DNAJA1: variants seen among roughly 807,000 people sequenced by gnomAD.
DNAJA1 encodes DnaJ heat shock protein family (Hsp40) member A1.
Under a neutral mutation model 47.6 loss-of-function variants are expected in DNAJA1, and 26 were observed. That is an observed-to-expected ratio of 0.55 (90% CI 0.40 to 0.76). The LOEUF is 0.76. Among genes scored for constraint, DNAJA1 ranks in the 30% least tolerant of loss-of-function variants. The pLI is 0.00. For missense variants in DNAJA1, 315 were observed against 485.0 expected, an observed-to-expected ratio of 0.65 and a Z score of 3.29; for synonymous variants, 165 against 158.4, an observed-to-expected ratio of 1.04 and a Z score of -0.31.
rs149250531 is a variant in DNAJA1 at position 33,032,741 on chromosome 9, T to C, written c.644-1475T>C. 1.4e-4 allele frequency among the ~76,000 whole-genome samples: 21 copies of C among 152,346 alleles called. 2 individuals are homozygous for C. Among genetic ancestry groups the C allele is most frequent in the African/African-American group, 4.8e-4 (20 of 41,582 alleles). On this transcript the variant is annotated intron_variant, in intron 5 of 8. Transcript: ENST00000330899. ...AAGACAGATTGTTTAATTTTGTCAGTGTATGATACTGATAGCGCTTTAAGT... is the reference window on the plus strand; with the variant it reads ...AAGACAGATTGTTTAATTTTGTCAGCGTATGATACTGATAGCGCTTTAAGT...
chr9:33,035,686 A>G (rs557417513), intron 6 of DNAJA1, among the ~76,000 whole-genome samples: 2 of 151,354 alleles, frequency 1.3e-5, no homozygotes, highest in East Asian at 3.9e-4. Context: ...CCAGGCTGGT[A>G]TCGAACTCCT....
At chr9:33,026,017 C>G (rs1277240350) in intron 1 of DNAJA1, among the ~76,000 whole-genome samples, 3 of 152,170 alleles carry the variant, frequency 2.0e-5, no homozygotes, top group Non-Finnish European at 4.4e-5. Flanking sequence ...AGCCAGTAAC[C>G]TGTTCTATAA....
In DNAJA1 at chr9:33,034,316, T is replaced by C; in HGVS notation, c.744T>C (p.His248=). Residue 248 remains histidine (H), a synonymous_variant, in exon 6 of 9, where the codon CAT becomes CAC. Transcript: ENST00000330899. ...TCATTGTGTTAGATCAGAAGGACCA[T>C]GCTGTTTTTACTCGGTAAAGACTTT... ...DIIIVLDQKD[H]AVFTRRGEDL... 4.4e-6 allele frequency: 7 copies of C among 1,607,334 alleles called. No homozygotes were observed. The highest frequency in any genetic ancestry group is 5.9e-6 in the Non-Finnish European group (7 of 1,177,996).
In DNAJA1 at chr9:33,039,174, G is replaced by A. The variant is rs1839081143; in HGVS notation, c.*271G>A. The A allele has an allele frequency of 2.3e-6, 1 of 429,976 alleles. No homozygotes were observed. Among genetic ancestry groups the A allele is most frequent in the South Asian group, 2.4e-5 (1 of 41,188 alleles). 26.6% of individuals were successfully genotyped at this position (429,976 alleles called of 1,614,324 possible). On this transcript the variant is annotated 3_prime_UTR_variant, in exon 9 of 9. Transcript: ENST00000330899. The stretch of plus-strand genomic sequence containing the variant: ...CATTTCTAGGCCAAACCTTGTAATT[G>A]ACTTCAGCTATGTACGTGGACAAGC...
At chr9:33,036,807 C>T (rs182202338) in intron 7 of DNAJA1, 118 bp downstream of exon 7, 1 of 827,042 alleles carries the variant, frequency 1.2e-6, no homozygotes, top group African/African-American at 1.7e-5. Flanking sequence ...TTCTCGGTTA[C>T]ATATCCTTCT....
chr9:33,038,605 T>C, intron 8 of DNAJA1, 80 bp from the exon 9 acceptor site: 1 of 1,348,106 alleles, frequency 7.4e-7, no homozygotes, highest in Admixed American at 2.2e-5. Context: ...TACATGTGTT[T>C]TTCTGGGGAA....
chr9:33,037,039 T>C lies in DNAJA1; in HGVS notation c.899T>C (p.Ile300Thr), dbSNP rs746382054. The change falls in exon 8 of 9, where the codon ATC (isoleucine) becomes ACC (threonine). Residue 300 changes from isoleucine to threonine, a missense_variant. By Grantham distance (89) the Ile-to-Thr change is moderately conservative. This residue lies in a region of DNAJA1 where 162 missense variants were observed against 185.4 expected (regional missense o/e 0.87). Transcript: ENST00000330899. ...HPGQIVKHGD[I>T]KCVLNEGMPI... ...GGTCAGATTGTCAAGCATGGAGATA[T>C]CAAGTGTGTACTAAATGAAGGCATG... is the stretch of plus-strand genomic sequence containing the variant. 3.5e-5 allele frequency: 57 copies of C among 1,612,266 alleles called. No individual in the cohort carries two copies. Among genetic ancestry groups the C allele is most frequent in the African/African-American group, 6.7e-5 (5 of 74,824 alleles).
At position 33,030,676 on chromosome 9, in the gene DNAJA1, T is replaced by G. The variant is rs757216481; in HGVS notation, c.643+9T>G. 3.3e-5 allele frequency: 53 copies of G among 1,601,188 alleles called. No homozygotes were observed. In the Admixed American group the frequency reaches 9.1e-4, roughly 27 times the overall value. On this transcript the variant is annotated intron_variant, in intron 5 of 8. Coordinates refer to ENST00000330899, the MANE Select transcript of DNAJA1 (RefSeq NM_001539.4). ...AGTTCATATTGACAAAGGTGAGTTC[T>G]GAGTTACTTATTCTGAAGTCTTGAA... is the stretch of plus-strand genomic sequence containing the variant.
chr9:33,029,793 T>G (rs952335910), intron 3 of DNAJA1, 92 bp from the exon 4 acceptor site: 7 of 1,012,266 alleles, frequency 6.9e-6, no homozygotes. Flanking sequence ...GCTCATCTTT[T>G]ATTATTCTTT....
chr9:33,038,803 A>T lies in DNAJA1; in HGVS notation c.1094A>T (p.Asp365Val). 1 of 1,614,146 alleles carries T rather than the reference A, an allele frequency of 6.2e-7. No homozygotes were observed. Among genetic ancestry groups the T allele is most frequent in the Non-Finnish European group, 8.5e-7 (1 of 1,180,026 alleles). ...GAGATGGACCAAGTAGAACTGGTGG[A>T]CTTTGATCCAAATCAGGAAAGACGG... ...TDEMDQVELV[D>V]FDPNQERRRH... Residue 365 changes from aspartate (D) to valine (V), a missense_variant, in exon 9 of 9, where the codon GAC becomes GTC. This residue lies in a region of DNAJA1 where 162 missense variants were observed against 185.4 expected (regional missense o/e 0.87). Coordinates refer to ENST00000330899, the MANE Select transcript of DNAJA1 (RefSeq NM_001539.4).
At position 33,030,431 on chromosome 9, in the gene DNAJA1, T is replaced by G; in HGVS notation, c.416-9T>G. The G allele has an allele frequency of 6.2e-7, 1 of 1,606,832 alleles. No homozygotes were observed. Among genetic ancestry groups the G allele is most frequent in the Non-Finnish European group, 8.5e-7 (1 of 1,176,806 alleles). On this transcript the variant is annotated splice_polypyrimidine_tract_variant and intron_variant, in intron 4 of 8. Coordinates refer to ENST00000330899, the MANE Select transcript of DNAJA1 (RefSeq NM_001539.4). The stretch of plus-strand genomic sequence containing the variant: ...TTCATACATTATTTAATTTTCTTTT[T>G]AAATTTAGGTAGAGGAGGTAAGAAA...
At chr9:33,028,798 T>C (rs1380955688) in intron 3 of DNAJA1, among the ~76,000 whole-genome samples, 3 of 152,176 alleles carry the variant, frequency 2.0e-5, no homozygotes, top group African/African-American at 7.2e-5. Context: ...CTGTTCAAAA[T>C]AAGGGCAGCT....
intron 7 of DNAJA1, 46 bp from the exon 8 acceptor site, chr9:33,036,969 A>G: frequency 2.6e-6 from 4 of 1,539,440 alleles, no homozygotes; most frequent in Non-Finnish European, 3.6e-6. Context: ...CTGCCTCATA[A>G]AAATGTGACC....
chr9:33,028,128 T>C (rs1200255153), intron 3 of DNAJA1, among the ~76,000 whole-genome samples: 2 of 151,928 alleles, frequency 1.3e-5, no homozygotes, highest in Non-Finnish European at 2.9e-5. Flanking sequence ...CCCAAAGGAA[T>C]TTGATGGTAG....
In DNAJA1 at chr9:33,039,580, C is replaced by G. The variant is rs1839090246; in HGVS notation, c.*677C>G. On this transcript the variant is annotated 3_prime_UTR_variant, in exon 9 of 9. Transcript: ENST00000330899. ...ATATATAATCTTGACCAGTCCTGGT[C>G]ATTTGCTCCCCTCCTTGTCTGTGGA... is the stretch of plus-strand genomic sequence containing the variant. The G allele has an allele frequency of 7.7e-6, 1 of 129,130 alleles. No individual in the cohort carries two copies. The highest frequency in any genetic ancestry group is 2.7e-5 in the African/African-American group (1 of 36,556). 8.0% of individuals were successfully genotyped at this position (129,130 alleles called of 1,614,324 possible).
intron 7 of DNAJA1, 93 bp downstream of exon 7, chr9:33,036,782 A>G (rs1839041958): frequency 2.2e-6 from 2 of 925,320 alleles, no homozygotes; most frequent in East Asian, 2.7e-5. Context: ...ACTGAGGGAA[A>G]CCCATTGTTT....
intron 3 of DNAJA1, among the ~76,000 whole-genome samples, chr9:33,028,671 C>CA (rs1181416891): frequency 6.6e-6 from 1 of 152,158 alleles, no homozygotes; most frequent in East Asian, 1.9e-4. Flanking sequence ...AAAGAACCTG[C>CA]AGGTTAACAT....
At chr9:33,025,505 G>A (rs2297216) in intron 1 of DNAJA1, 122 bp downstream of exon 1, 25,517 of 152,484 alleles carry the variant, frequency 0.17, 2,716 homozygotes, top group Admixed American at 0.23. Flanking sequence ...CAGTTCCTGG[G>A]CCCACGATTT....
chr9:33,036,456 A>G (rs997206295), intron 6 of DNAJA1, 118 bp from the exon 7 acceptor site: 7 of 587,830 alleles, frequency 1.2e-5, no homozygotes, highest in East Asian at 9.0e-5. Context: ...CAATGGGGGA[A>G]GAAAAGGGTG....
Sources: allele counts gnomAD v4.1 joint callset (sites outside exome capture counted in the v4.1 genomes callset), GRCh38; gene constraint gnomAD v4.1.1; regional missense constraint gnomAD v4.1.1; transcripts MANE v1.5; gene names NCBI Gene and HGNC (gene_info 2026-07-23, HGNC 2026-07-21).